Variants in ATP11C observed in about 807,000 individuals in gnomAD.
The protein encoded by ATP11C is ATPase phospholipid transporting 11C (ATP11C blood group), also known as phospholipid-transporting ATPase IG.
Under a neutral mutation model 97.4 loss-of-function variants are expected in ATP11C, and 36 were observed. That is an observed-to-expected ratio of 0.37 (90% CI 0.28 to 0.49). The LOEUF is 0.49. Ranked by LOEUF, ATP11C falls within the 20% of genes least tolerant of loss-of-function variation. The probability of loss-of-function intolerance (pLI) is 0.98; values close to 1 mark genes in which losing one functional copy is unlikely to be tolerated. For missense variants in ATP11C, 730 were observed against 824.6 expected, an observed-to-expected ratio of 0.89 and a Z score of 1.40; for synonymous variants, 275 against 290.9, an observed-to-expected ratio of 0.95 and a Z score of 0.56.
At chrX:139,742,875 AAATATATATATATATATAT>A (rs1418667754) in intron 26 of ATP11C, among the ~76,000 whole-genome samples, 1,833 of 25,954 alleles carry the variant, frequency 0.071, 37 homozygotes, top group African/African-American at 0.25. Flanking sequence ...AAAAAAAAAA[AAATATATATATATATATAT>A]ATATATATAT....
At chrX:139,931,192 A>C (rs1271287794) in intron 1 of ATP11C, among the ~76,000 whole-genome samples, 1 of 112,354 alleles carries the variant, frequency 8.9e-6, no homozygotes, top group Non-Finnish European at 1.9e-5. Flanking sequence ...CAAAAAAGTC[A>C]GTAGCCAGAA....
intron 1 of ATP11C, among the ~76,000 whole-genome samples, chrX:139,925,588 CTACTGTT>C (rs2085339531): frequency 9.1e-6 from 1 of 109,451 alleles, no homozygotes; most frequent in African/African-American, 3.3e-5. Context: ...AATTGAACAT[CTACTGTT>C]TACCTGATGC....
chrX:139,889,483 G>T (rs2084696226), intron 1 of ATP11C, among the ~76,000 whole-genome samples: 1 of 111,715 alleles, frequency 9.0e-6, no homozygotes, highest in South Asian at 3.8e-4. Flanking sequence ...TGATTATTTT[G>T]ATTTCAGTGG....
intron 1 of ATP11C, among the ~76,000 whole-genome samples, chrX:139,905,107 A>G (rs2084954709): frequency 8.9e-6 from 1 of 112,174 alleles, no homozygotes; most frequent in East Asian, 2.8e-4. Context: ...AAAGGAAGAA[A>G]GATTCAAGGC....
chrX:139,833,545 C>T (rs999678261), intron 1 of ATP11C, among the ~76,000 whole-genome samples: 2 of 110,015 alleles, frequency 1.8e-5, no homozygotes, highest in Non-Finnish European at 3.8e-5. Flanking sequence ...TTTTAATTAG[C>T]GGGGCATGCT....
At chrX:139,913,579 T>C (rs1349562358) in intron 1 of ATP11C, among the ~76,000 whole-genome samples, 1 of 111,341 alleles carries the variant, frequency 9.0e-6, no homozygotes, top group Non-Finnish European at 1.9e-5. Context: ...CTGATGACAT[T>C]ACCTTGTGAA....
intron 1 of ATP11C, among the ~76,000 whole-genome samples, chrX:139,892,446 A>C (rs1482260140): frequency 8.9e-6 from 1 of 111,861 alleles, no homozygotes; most frequent in African/African-American, 3.3e-5. Flanking sequence ...TAAAAAGGCA[A>C]TTAGTGGGTG....
chrX:139,734,205 G>A (rs1341272558), intron 28 of ATP11C, among the ~76,000 whole-genome samples: 1 of 111,809 alleles, frequency 8.9e-6, no homozygotes, highest in Non-Finnish European at 1.9e-5. Flanking sequence ...AATCATAATA[G>A]TAATCATCAT....
intron 28 of ATP11C, among the ~76,000 whole-genome samples, chrX:139,734,169 C>G (rs1334535876): frequency 9.0e-6 from 1 of 111,377 alleles, no homozygotes; most frequent in Non-Finnish European, 1.9e-5. Flanking sequence ...GCCCTGTGAA[C>G]CCATGGTTGT....
chrX:139,759,407 T>C (rs2081995247), intron 22 of ATP11C, among the ~76,000 whole-genome samples: 1 of 112,331 alleles, frequency 8.9e-6, no homozygotes, highest in Non-Finnish European at 1.9e-5. Flanking sequence ...GGCAAGAATG[T>C]ATATATTTTA....
chrX:139,881,469 G>A (rs1963674803), intron 1 of ATP11C, among the ~76,000 whole-genome samples: 1 of 110,622 alleles, frequency 9.0e-6, no homozygotes, highest in African/African-American at 3.3e-5. Flanking sequence ...GGCAGTGGTA[G>A]GCGGCCGGTA....
At position 139,784,051 on chromosome X, in the gene ATP11C, T is replaced by G. The variant is rs185373327; in HGVS notation, c.1667-784A>C. Among the ~76,000 whole-genome samples the G allele has an allele frequency of 3.6e-3, 409 of 112,210 alleles. 1 individual carries two copies. The highest frequency in any genetic ancestry group is 0.012 in the African/African-American group (386 of 30,907). On this transcript the variant is annotated intron_variant, in intron 16 of 29. Coordinates refer to ENST00000682941, the MANE Select transcript of ATP11C (RefSeq NM_001353812.2). ...ATAGCTTTGTAGAATGCTGGTATAA[T>G]TGCAGCTTTAGATCACTTCACACAC...
intron 12 of ATP11C, among the ~76,000 whole-genome samples, chrX:139,794,639 A>C (rs994152765): frequency 3.6e-5 from 4 of 111,592 alleles, no homozygotes; most frequent in African/African-American, 1.3e-4. Context: ...TCATTACCCA[A>C]AGCTCTACTT....
rs1366401587 is a variant in ATP11C at position 139,726,396 on chromosome X, T to C, written c.*2570A>G. On this transcript the variant is annotated 3_prime_UTR_variant, in exon 30 of 30. Coordinates refer to ENST00000682941, the MANE Select transcript of ATP11C (RefSeq NM_001353812.2). ...ATTGATTACATCAAACAAAAATTTCTGTAATGGAAAAGGCAAGTTGCAGTC... is the reference window on the plus strand; with the variant it reads ...ATTGATTACATCAAACAAAAATTTCCGTAATGGAAAAGGCAAGTTGCAGTC... 2 of 112,679 alleles carry C rather than the reference T, an allele frequency of 1.8e-5. No individual in the cohort carries two copies. The highest frequency in any genetic ancestry group is 3.7e-5 in the Non-Finnish European group (2 of 53,342). 9.3% of individuals were successfully genotyped at this position (112,679 alleles called of 1,213,427 possible). A position where few individuals can be genotyped will look rare whatever the true frequency, so the allele number is the denominator to read the frequency against.
chrX:139,751,244 T>C (rs1357690519), intron 23 of ATP11C, among the ~76,000 whole-genome samples: 1 of 110,776 alleles, frequency 9.0e-6, no homozygotes, highest in African/African-American at 3.3e-5. Flanking sequence ...CACCAGGGAG[T>C]TCAAATTCTA....
At chrX:139,860,835 A>G (rs766730701) in intron 1 of ATP11C, among the ~76,000 whole-genome samples, 55 of 112,194 alleles carry the variant, frequency 4.9e-4, no homozygotes, top group African/African-American at 1.7e-3. Flanking sequence ...ATAAAAATAA[A>G]AAGAAGCCAG....
chrX:139,927,245 T>C (rs751973589), intron 1 of ATP11C, among the ~76,000 whole-genome samples: 2 of 111,611 alleles, frequency 1.8e-5, no homozygotes, highest in South Asian at 7.5e-4. Context: ...CAGCACATAG[T>C]AGGTGCTCAG....
At chrX:139,918,675 CAAAA>C (rs59502861) in intron 1 of ATP11C, among the ~76,000 whole-genome samples, 2 of 41,058 alleles carry the variant, frequency 4.9e-5, no homozygotes, top group East Asian at 7.6e-4. Flanking sequence ...AACCCCATTT[CAAAA>C]AAAAAAAAAA....
intron 18 of ATP11C, among the ~76,000 whole-genome samples, chrX:139,776,679 G>A (rs1195686263): frequency 9.0e-6 from 1 of 111,075 alleles, no homozygotes; most frequent in Non-Finnish European, 1.9e-5. Context: ...TCATCTCCCA[G>A]AGGGAGAACT....
Sources: gnomAD v4.1 joint callset for allele counts (sites outside exome capture counted in the v4.1 genomes callset) on GRCh38, gnomAD v4.1.1 for gene constraint, MANE v1.5 for transcripts, NCBI Gene and HGNC (gene_info 2026-07-23, HGNC 2026-07-21) for gene names.